RBFOX3: variants seen among roughly 807,000 people sequenced by gnomAD.
The protein encoded by RBFOX3 is RNA binding fox-1 homolog 3.
A neutral mutation model predicts 48.7 loss-of-function variants in RBFOX3; 17 were observed. The observed-to-expected ratio is 0.35, with a 90% CI of 0.24 to 0.52. RBFOX3 has a LOEUF of 0.52. RBFOX3 is among the 20% of genes least tolerant of loss of function. The pLI is 0.94. For missense variants in RBFOX3, 382 were observed against 497.5 expected, an observed-to-expected ratio of 0.77 and a Z score of 2.21; for synonymous variants, 212 against 209.5, an observed-to-expected ratio of 1.01 and a Z score of -0.10.
chr17:79,451,947 C>A (rs142286492), intron 2 of RBFOX3, among the ~76,000 whole-genome samples: 6 of 152,314 alleles, frequency 3.9e-5, no homozygotes, highest in African/African-American at 1.4e-4. Flanking sequence ...CTGGCACCCT[C>A]ATCCACACAA....
At chr17:79,431,713 G>C (rs2068495392) in intron 2 of RBFOX3, among the ~76,000 whole-genome samples, 1 of 152,170 alleles carries the variant, frequency 6.6e-6, no homozygotes, top group Non-Finnish European at 1.5e-5. Context: ...TCGAACTCCT[G>C]ACCTCAGGTG....
At chr17:79,131,433 G>A (rs1232738318) in intron 4 of RBFOX3, among the ~76,000 whole-genome samples, 5 of 152,150 alleles carry the variant, frequency 3.3e-5, no homozygotes, top group Admixed American at 1.3e-4. Context: ...CCACAGACGC[G>A]GCTGCAAACC....
chr17:79,286,145 C>T lies in RBFOX3; in HGVS notation c.-74+21579G>A, dbSNP rs552913506. ...TCTATTGCAAATAAATGTCCCTGGCCTGCCTCTCCGAGCCCTTGTGAGGAC... is the reference window on the plus strand; with the variant it reads ...TCTATTGCAAATAAATGTCCCTGGCTTGCCTCTCCGAGCCCTTGTGAGGAC... On this transcript the variant is annotated intron_variant, in intron 3 of 14. Coordinates refer to ENST00000693108, the MANE Select transcript of RBFOX3 (RefSeq NM_001350451.2). Among the ~76,000 whole-genome samples the T allele has an allele frequency of 2.0e-5, 3 of 152,298 alleles. No homozygotes were observed. In the South Asian group the frequency reaches 6.2e-4, roughly 32 times the overall value.
intron 1 of RBFOX3, among the ~76,000 whole-genome samples, chr17:79,557,333 C>T (rs2091853177): frequency 6.6e-6 from 1 of 151,758 alleles, no homozygotes; most frequent in South Asian, 2.1e-4. Context: ...AGGCCCTGGA[C>T]TGTTAGTCTC....
At chr17:79,488,285 G>A (rs2079958840) in intron 1 of RBFOX3, among the ~76,000 whole-genome samples, 6 of 152,192 alleles carry the variant, frequency 3.9e-5, no homozygotes. Flanking sequence ...TCATTTATAG[G>A]ATTTAAGATG....
intron 14 of RBFOX3, among the ~76,000 whole-genome samples, chr17:79,093,791 C>CCCCACACACACACACA (rs112110060): frequency 3.5e-5 from 5 of 143,822 alleles, no homozygotes; most frequent in Non-Finnish European, 7.6e-5. Flanking sequence ...CAACAGCTGG[C>CCCCACACACACACACA]CACACACACA....
intron 3 of RBFOX3, among the ~76,000 whole-genome samples, chr17:79,253,715 G>A (rs1449263481): frequency 6.6e-6 from 1 of 152,174 alleles, no homozygotes; most frequent in African/African-American, 2.4e-5. Flanking sequence ...AGGGTGGCAG[G>A]GGTGTCCCCA....
intron 1 of RBFOX3, among the ~76,000 whole-genome samples, chr17:79,561,774 G>A (rs1014456144): frequency 2.4e-4 from 37 of 152,314 alleles, no homozygotes; most frequent in Admixed American, 1.2e-3. Context: ...CTCTTCCCAA[G>A]AGAGGGGCAC....
intron 4 of RBFOX3, among the ~76,000 whole-genome samples, chr17:79,177,498 C>T (rs1459781520): frequency 6.6e-6 from 1 of 152,200 alleles, no homozygotes; most frequent in Admixed American, 6.5e-5. Context: ...GCTAACCTCC[C>T]AGCATGCCGA....
intron 2 of RBFOX3, among the ~76,000 whole-genome samples, chr17:79,407,115 C>G (rs555683686): frequency 6.6e-6 from 1 of 152,246 alleles, no homozygotes; most frequent in Non-Finnish European, 1.5e-5. Flanking sequence ...TCAAGCAACT[C>G]TCCTACCTCA....
chr17:79,563,727 T>C (rs2144298796), intron 1 of RBFOX3, among the ~76,000 whole-genome samples: 1 of 152,340 alleles, frequency 6.6e-6, no homozygotes. Context: ...CCAATCCATC[T>C]TCAGTGCCTT....
chr17:79,642,308 T>C, the RBFOX3 span, among the ~76,000 whole-genome samples: 2 of 152,176 alleles, frequency 1.3e-5, no homozygotes, highest in Non-Finnish European at 2.9e-5. Context: ...ATGGTGACTA[T>C]AGTTAATAAT....
intron 2 of RBFOX3, among the ~76,000 whole-genome samples, chr17:79,349,114 T>C (rs1232100968): frequency 1.3e-5 from 2 of 152,008 alleles, no homozygotes; most frequent in East Asian, 1.9e-4. Flanking sequence ...TCTTGGCTCC[T>C]TCCCCATCCC....
chr17:79,125,063 C>T (rs1041910824), intron 4 of RBFOX3, among the ~76,000 whole-genome samples: 2 of 152,190 alleles, frequency 1.3e-5, no homozygotes, highest in African/African-American at 4.8e-5. Context: ...CCCTCCAACC[C>T]TGACCTCTAG....
chr17:79,407,268 A>T (rs2063672718), intron 2 of RBFOX3, among the ~76,000 whole-genome samples: 1 of 152,242 alleles, frequency 6.6e-6, no homozygotes, highest in Admixed American at 6.5e-5. Context: ...TCGGCCTCCC[A>T]AAGTGCCGGG....
intron 2 of RBFOX3, among the ~76,000 whole-genome samples, chr17:79,388,770 G>A (rs1025289285): frequency 1.3e-5 from 2 of 152,164 alleles, no homozygotes; most frequent in African/African-American, 4.8e-5. Context: ...ACATGCCCCG[G>A]TGCTGCCGGA....
rs1191039819 is a variant in RBFOX3 at position 79,570,051 on chromosome 17, TGAATGGGCAGATGGATAGTAGAGAAG to T, written c.-320+40749_-320+40774del. On this transcript the variant is annotated intron_variant, in intron 1 of 14. Coordinates refer to ENST00000693108, the MANE Select transcript of RBFOX3 (RefSeq NM_001350451.2). ...GAACAGATGAATTATGGATGGATGG[TGAATGGGCAGATGGATAGTAGAGAAG>T]GAATGGACAGATGGATTATGGATGG... Among the ~76,000 whole-genome samples the T allele has an allele frequency of 2.0e-4, 30 of 149,352 alleles. 1 individual carries two copies. Among genetic ancestry groups the T allele is most frequent in the Non-Finnish European group, 4.3e-4 (29 of 67,572 alleles).
the RBFOX3 span, among the ~76,000 whole-genome samples, chr17:79,664,432 GC>G: frequency 4.0e-5 from 6 of 150,964 alleles, no homozygotes; most frequent in Non-Finnish European, 5.9e-5. Flanking sequence ...TGCAGGCTCC[GC>G]CCCCCGGGGT....
At chr17:79,191,810 A>G (rs2054582907) in intron 4 of RBFOX3, among the ~76,000 whole-genome samples, 1 of 152,204 alleles carries the variant, frequency 6.6e-6, no homozygotes, top group African/African-American at 2.4e-5. Context: ...CAGAGGCCAG[A>G]TAAGAGTTCC....
Sources: allele counts gnomAD v4.1 joint callset (sites outside exome capture counted in the v4.1 genomes callset), GRCh38; gene constraint gnomAD v4.1.1; transcripts MANE v1.5; gene names NCBI Gene and HGNC (gene_info 2026-07-23, HGNC 2026-07-21).